The following YEATS2 variants were observed in gnomAD, a reference collection of about 807,000 sequenced individuals.
YEATS2 encodes the protein YEATS domain-containing protein 2.
In YEATS2, 77 loss-of-function variants were observed where a neutral mutation model predicts 163.2. That is an observed-to-expected ratio of 0.47 (90% CI 0.39 to 0.57). The LOEUF is 0.57. YEATS2 is among the 20% of genes least tolerant of loss of function. YEATS2 has a pLI of 0.00. For missense variants in YEATS2, 1,549 were observed against 1,729.8 expected (o/e 0.90, Z 1.85); for synonymous variants, 631 against 645.1 (o/e 0.98, Z 0.33).
At chr3:183,725,014 A>T (rs1716924758) in intron 6 of YEATS2, among the ~76,000 whole-genome samples, 1 of 144,944 alleles carries the variant, frequency 6.9e-6, no homozygotes, top group Non-Finnish European at 1.5e-5. Context: ...AAGTGCTGGA[A>T]TTACAGGTGT....
Position 183,776,140 on chromosome 3 carries a change from C to T in YEATS2, c.2577+17C>T. 6.5e-7 allele frequency: 1 copy of T among 1,533,440 alleles called. No individual in the cohort carries two copies. Among genetic ancestry groups the T allele is most frequent in the Non-Finnish European group, 8.7e-7 (1 of 1,143,094 alleles). 95.0% of individuals were successfully genotyped at this position (1,533,440 alleles called of 1,614,324 possible). ...ACTCCCCAGGTCTGGTTCTCTGTAA[C>T]TGATATTTTAAATCATTTAGCTATT... On this transcript the variant is annotated intron_variant, in intron 18 of 30. Coordinates refer to ENST00000305135, the MANE Select transcript of YEATS2 (RefSeq NM_018023.5).
In YEATS2 at chr3:183,810,660, G is replaced by A. The variant is rs1041107319; in HGVS notation, c.*77G>A. On this transcript the variant is annotated 3_prime_UTR_variant, in exon 31 of 31. Transcript: ENST00000305135. Reference sequence around the variant, plus strand: ...AACTGAGGACCCTGCTGCTCGGGAAGGAGGTGGTTTCCAGTGTGACTCGGC... The same window carrying A: ...AACTGAGGACCCTGCTGCTCGGGAAAGAGGTGGTTTCCAGTGTGACTCGGC... The A allele has an allele frequency of 1.5e-6, 2 of 1,376,540 alleles. No homozygotes were observed. Among genetic ancestry groups the A allele is most frequent in the Non-Finnish European group, 2.0e-6 (2 of 980,784 alleles). The allele number at this position is 1,376,540 out of a possible 1,614,324, so 85.3% of individuals were successfully genotyped here.
chr3:183,740,801 A>G (rs772161517), intron 8 of YEATS2, among the ~76,000 whole-genome samples: 2 of 152,354 alleles, frequency 1.3e-5, no homozygotes, highest in Middle Eastern at 3.4e-3. Flanking sequence ...ACCAAACAAC[A>G]TATTTTCACT....
At chr3:183,753,954 A>G (rs1385552066) in intron 10 of YEATS2, among the ~76,000 whole-genome samples, 172 bp from the exon 11 acceptor site, 1 of 152,214 alleles carries the variant, frequency 6.6e-6, no homozygotes, top group East Asian at 1.9e-4. Flanking sequence ...TATTCTAAGC[A>G]TATATATTTT....
At chr3:183,745,637 C>G (rs1240113977) in intron 8 of YEATS2, among the ~76,000 whole-genome samples, 1 of 152,006 alleles carries the variant, frequency 6.6e-6, no homozygotes, top group Non-Finnish European at 1.5e-5. Context: ...ATTAAATACT[C>G]TAAATATTAG....
chr3:183,797,076 C>T (rs1365929492), intron 21 of YEATS2, among the ~76,000 whole-genome samples: 1 of 151,926 alleles, frequency 6.6e-6, no homozygotes, highest in Non-Finnish European at 1.5e-5. Flanking sequence ...CGAGACCAGC[C>T]TGGCCAACAT....
At chr3:183,745,264 A>G (rs1335028836) in intron 8 of YEATS2, among the ~76,000 whole-genome samples, 1 of 152,144 alleles carries the variant, frequency 6.6e-6, no homozygotes, top group Non-Finnish European at 1.5e-5. Context: ...TCTGCTTAAA[A>G]CCGCAGAACC....
intron 6 of YEATS2, among the ~76,000 whole-genome samples, chr3:183,725,552 TAAGTG>T (rs1716999163): frequency 6.6e-6 from 1 of 152,234 alleles, no homozygotes; most frequent in South Asian, 2.1e-4. Flanking sequence ...AGCCATGTCT[TAAGTG>T]GAGGCAGGCA....
intron 7 of YEATS2, among the ~76,000 whole-genome samples, chr3:183,731,812 G>A (rs1717812132): frequency 6.6e-6 from 1 of 152,142 alleles, no homozygotes; most frequent in African/African-American, 2.4e-5. Context: ...CCTGATCTGT[G>A]CCACTCTGAC....
intron 1 of YEATS2, among the ~76,000 whole-genome samples, chr3:183,708,889 C>T (rs1372967474): frequency 2.6e-5 from 4 of 151,806 alleles, no homozygotes; most frequent in South Asian, 2.1e-4. Context: ...TGGCCAGGCG[C>T]GGTGGCTCAC....
chr3:183,755,741 CTTTTTTTTTTTT>C (rs57050296), intron 11 of YEATS2, among the ~76,000 whole-genome samples: 7 of 82,220 alleles, frequency 8.5e-5, no homozygotes, highest in African/African-American at 3.6e-4. Context: ...TCCTTCCTTT[CTTTTTTTTTTTT>C]TTTTTTTTTT....
chr3:183,810,850 G>GGCCCCACGAGAGCGGGCCAGGCC lies in YEATS2; in HGVS notation c.*269_*291dup. On this transcript the variant is annotated 3_prime_UTR_variant, in exon 31 of 31. Coordinates refer to ENST00000305135, the MANE Select transcript of YEATS2 (RefSeq NM_018023.5). ...CCAGCGTTTCTGCAGTCTTTGTAAA[G>GGCCCCACGAGAGCGGGCCAGGCC]GCCCCACGAGAGCGGGCCAGGCCGT... The GGCCCCACGAGAGCGGGCCAGGCC allele has an allele frequency of 2.3e-6, 1 of 433,860 alleles. No homozygotes were observed. The highest frequency in any genetic ancestry group is 4.3e-6 in the Non-Finnish European group (1 of 233,868). The allele number at this position is 433,860 out of a possible 1,614,324, so 26.9% of individuals were successfully genotyped here. A position where few individuals can be genotyped will look rare whatever the true frequency, so the allele number is the denominator to read the frequency against.
intron 9 of YEATS2, among the ~76,000 whole-genome samples, chr3:183,751,558 C>G (rs1720169558): frequency 6.6e-6 from 1 of 152,170 alleles, no homozygotes; most frequent in African/African-American, 2.4e-5. Context: ...GTAGCTTCTT[C>G]CTTCAGAGTC....
intron 1 of YEATS2, among the ~76,000 whole-genome samples, chr3:183,705,653 C>A (rs1714544183): frequency 6.6e-6 from 1 of 152,094 alleles, no homozygotes; most frequent in African/African-American, 2.4e-5. Flanking sequence ...AAAGATGTAG[C>A]AATATCAACA....
chr3:183,740,450 T>G (rs1432377997), intron 8 of YEATS2, among the ~76,000 whole-genome samples: 2 of 152,244 alleles, frequency 1.3e-5, no homozygotes, highest in Admixed American at 6.5e-5. Context: ...TTAAAAGTGC[T>G]ACTCCAGTGA....
At chr3:183,771,542 CCTTTTTTTTTTT>C (rs1293643606) in intron 15 of YEATS2, among the ~76,000 whole-genome samples, 1 of 60,812 alleles carries the variant, frequency 1.6e-5, no homozygotes, top group Non-Finnish European at 2.6e-5. Context: ...ATTATTCTTG[CCTTTTTTTTTTT>C]TTTTTTTTTT....
At chr3:183,809,036 G>A (rs1054655588) in intron 29 of YEATS2, 61 bp from the exon 30 acceptor site, 13 of 1,564,632 alleles carry the variant, frequency 8.3e-6, no homozygotes, top group African/African-American at 5.4e-5. Flanking sequence ...GGGGTTAAAT[G>A]TGTCCCTTCT....
chr3:183,809,292 A>G (rs1251560807), intron 30 of YEATS2, 122 bp downstream of exon 30: 1 of 975,524 alleles, frequency 1.0e-6, no homozygotes, highest in African/African-American at 1.6e-5. Context: ...TGCTTAGGAC[A>G]CTCTTAGAGC....
chr3:183,760,781 C>G (rs1303681974), intron 13 of YEATS2, among the ~76,000 whole-genome samples: 2 of 152,092 alleles, frequency 1.3e-5, no homozygotes, highest in Non-Finnish European at 2.9e-5. Flanking sequence ...GTTGTGAGTA[C>G]TATTAAAAGA....
Sources: gnomAD v4.1 joint callset for allele counts (sites outside exome capture counted in the v4.1 genomes callset) on GRCh38, gnomAD v4.1.1 for gene constraint, MANE v1.5 for transcripts, NCBI Gene and HGNC (gene_info 2026-07-23, HGNC 2026-07-21) for gene names.